The following PI4KA variants were observed in gnomAD, a reference collection of about 807,000 sequenced individuals.
The protein encoded by PI4KA is phosphatidylinositol 4-kinase alpha.
A neutral mutation model predicts 271.4 loss-of-function variants in PI4KA; 122 were observed. The observed-to-expected ratio is 0.45, with a 90% CI of 0.39 to 0.52. The LOEUF (loss-of-function observed/expected upper bound fraction) is 0.52. Ranked by LOEUF, PI4KA falls within the 20% of genes least tolerant of loss-of-function variation. The pLI is 0.00. For missense variants in PI4KA, 1,969 were observed against 2,769.1 expected, an observed-to-expected ratio of 0.71 and a Z score of 6.48; for synonymous variants, 1,041 against 1,078.8, an observed-to-expected ratio of 0.96 and a Z score of 0.69.
intron 3 of PI4KA, among the ~76,000 whole-genome samples, chr22:20,830,887 T>G (rs1924068365): frequency 6.6e-6 from 1 of 152,198 alleles, no homozygotes; most frequent in Non-Finnish European, 1.5e-5. Context: ...TTCTCCTGCC[T>G]CAGCCTCCTG....
chr22:20,714,909 G>A (rs1163988805), intron 45 of PI4KA, among the ~76,000 whole-genome samples: 1 of 152,160 alleles, frequency 6.6e-6, no homozygotes, highest in Non-Finnish European at 1.5e-5. Flanking sequence ...GACTCTTCCA[G>A]CCATCAACCA....
chr22:20,714,631 T>C lies in PI4KA; in HGVS notation c.5387A>G (p.Gln1796Arg), dbSNP rs1257717158. The change falls in exon 46 of 55, where the codon CAG (glutamine) becomes CGG (arginine). Residue 1796 changes from glutamine (Q) to arginine (R), a missense_variant. Transcript: ENST00000255882. ...DIDYKSGTPM[Q>R]SAAKAPYLAK... Reference sequence around the variant, plus strand: ...ATGGGTAGGGTGAGGCGCCCACCTCTGCATCGGGGTCCCAGACTTGTAGTC... The same window carrying C: ...ATGGGTAGGGTGAGGCGCCCACCTCCGCATCGGGGTCCCAGACTTGTAGTC... The C allele has an allele frequency of 1.2e-6, 2 of 1,613,998 alleles. No individual in the cohort carries two copies. The highest frequency in any genetic ancestry group is 1.7e-6 in the Non-Finnish European group (2 of 1,179,860).
At chr22:20,753,450 C>T (rs990993355) in intron 23 of PI4KA, among the ~76,000 whole-genome samples, 4 of 152,224 alleles carry the variant, frequency 2.6e-5, no homozygotes, top group Non-Finnish European at 5.9e-5. Context: ...ACATGCCCCG[C>T]TTCTGTTCCA....
Position 20,799,092 on chromosome 22 carries a change from C to T in PI4KA, c.2004+1G>A. On this transcript the variant is annotated splice_donor_variant, in intron 16 of 54. Coordinates refer to ENST00000255882, the MANE Select transcript of PI4KA (RefSeq NM_058004.4). LOFTEE classifies it high-confidence loss of function. ...GGTGTTCTGGCTCTGGCCTCCCTTA[C>T]ATTTCCGGTGATAACCAGGCAGCCC... is the stretch of plus-strand genomic sequence containing the variant. The T allele has an allele frequency of 6.2e-7, 1 of 1,612,952 alleles. No individual in the cohort carries two copies.
Position 20,819,671 on chromosome 22 carries a change from C to T in PI4KA, c.759G>A (p.Arg253=). 2 of 1,614,088 alleles carry T rather than the reference C, an allele frequency of 1.2e-6. No individual in the cohort carries two copies. Among genetic ancestry groups the T allele is most frequent in the Admixed American group, 3.3e-5 (2 of 60,020 alleles). The part of the protein sequence containing the change: ...LTVCQEGTLK[R]KTSSVSSISQ... ...AGATGCTGGACACACTGCTGGTTTT[C>T]CTCTTCAGGGTACCCTCCTGACAGA... is the stretch of plus-strand genomic sequence containing the variant. Residue 253 remains arginine (R), a synonymous_variant, in exon 6 of 55, where the codon AGG becomes AGA. Coordinates refer to ENST00000255882, the MANE Select transcript of PI4KA (RefSeq NM_058004.4).
At chr22:20,834,715 T>C in intron 2 of PI4KA, 60 bp from the exon 3 acceptor site, 1 of 1,093,152 alleles carries the variant, frequency 9.1e-7, no homozygotes, top group Non-Finnish European at 1.4e-6. Flanking sequence ...TTGGCAGCTT[T>C]TTAGCCCAGA....
At chr22:20,753,371 T>C (rs1017320033) in intron 23 of PI4KA, among the ~76,000 whole-genome samples, 191 bp from the exon 24 acceptor site, 9 of 152,228 alleles carry the variant, frequency 5.9e-5, no homozygotes, top group Non-Finnish European at 1.2e-4. Flanking sequence ...GTGTCAAAAC[T>C]GAGTCAGATA....
intron 1 of PI4KA, among the ~76,000 whole-genome samples, chr22:20,851,373 G>A (rs961870977): frequency 4.6e-5 from 7 of 152,012 alleles, no homozygotes; most frequent in African/African-American, 1.5e-4. Flanking sequence ...ACGGAGTCTT[G>A]CTCTGTCGCC....
At chr22:20,720,946 G>A (rs1473791554) in intron 43 of PI4KA, among the ~76,000 whole-genome samples, 1 of 152,238 alleles carries the variant, frequency 6.6e-6, no homozygotes. Context: ...CAGGGGTCCT[G>A]AGGCTGTGCT....
intron 19 of PI4KA, among the ~76,000 whole-genome samples, chr22:20,790,633 T>C (rs975792809): frequency 7.3e-5 from 11 of 150,618 alleles, no homozygotes; most frequent in African/African-American, 2.7e-4. Flanking sequence ...TGCACTCCAG[T>C]CTGGGTGACA....
At chr22:20,816,845 T>A (rs1921872304) in intron 7 of PI4KA, among the ~76,000 whole-genome samples, 1 of 152,160 alleles carries the variant, frequency 6.6e-6, no homozygotes. Flanking sequence ...CATCTGCCAC[T>A]TACTGGATGT....
intron 1 of PI4KA, among the ~76,000 whole-genome samples, chr22:20,838,966 C>T (rs768920450): frequency 1.6e-4 from 25 of 152,114 alleles, no homozygotes; most frequent in Non-Finnish European, 2.6e-4. Context: ...CCTGTAATCC[C>T]AACCCTTTGG....
chr22:20,819,832 T>A lies in PI4KA; in HGVS notation c.598A>T (p.Met200Leu), dbSNP rs142981958. ...ISRAFGRYSN[M>L]EESLLSKLFP... ...AGCTTTGAGAGGAGAGACTCTTCCATGTTGCTGTAACGCCCAAATGCTCGC... is the reference window on the plus strand; with the variant it reads ...AGCTTTGAGAGGAGAGACTCTTCCAAGTTGCTGTAACGCCCAAATGCTCGC... The change falls in exon 6 of 55, where the codon ATG becomes TTG. Residue 200 changes from methionine to leucine, a missense_variant. Physicochemically the swap from Met to Leu is conservative, Grantham distance 15 (BLOSUM62 2). Transcript: ENST00000255882. 1.2e-6 allele frequency: 2 copies of A among 1,613,990 alleles called. No homozygotes were observed. The highest frequency in any genetic ancestry group is 1.1e-5 in the South Asian group (1 of 91,074).
At chr22:20,710,130 G>C (rs1232148507) in intron 52 of PI4KA, 133 bp from the exon 53 acceptor site, 24 of 682,178 alleles carry the variant, frequency 3.5e-5, no homozygotes, top group Admixed American at 1.5e-4. Context: ...GCCACATCTT[G>C]CACATCCCCG....
intron 32 of PI4KA, among the ~76,000 whole-genome samples, chr22:20,735,967 C>T (rs1293044253): frequency 2.0e-5 from 3 of 152,184 alleles, no homozygotes; most frequent in Non-Finnish European, 2.9e-5. Context: ...TGCCTCTGTG[C>T]CAGGGCCTCG....
At chr22:20,830,311 T>C (rs1050580063) in intron 3 of PI4KA, among the ~76,000 whole-genome samples, 9 of 151,706 alleles carry the variant, frequency 5.9e-5, no homozygotes, top group African/African-American at 1.9e-4. Flanking sequence ...ATGAATGTGG[T>C]TGCTTCCGTG....
At chr22:20,803,826 T>C (rs1935487010) in intron 12 of PI4KA, among the ~76,000 whole-genome samples, 2 of 152,330 alleles carry the variant, frequency 1.3e-5, no homozygotes, top group South Asian at 2.1e-4. Flanking sequence ...CCAGGGGATA[T>C]AGATTGTTAA....
rs144524371 is a variant in PI4KA at position 20,787,273 on chromosome 22, T to C, written c.2328+5920A>G. The stretch of plus-strand genomic sequence containing the variant: ...CACAATAGCCCATGCTGTAAGCTCA[T>C]AGAAGTCACTGTAACTGTAGTGTGT... On this transcript the variant is annotated intron_variant, in intron 19 of 54. Coordinates refer to ENST00000255882, the MANE Select transcript of PI4KA (RefSeq NM_058004.4). The C allele has an allele frequency of 9.2e-3, 5,525 of 601,660 alleles. 57 individuals carry two copies. Among genetic ancestry groups the C allele is most frequent in the Admixed American group, 0.022 (827 of 37,188 alleles). The allele number at this position is 601,660 out of a possible 1,614,324, so 37.3% of individuals were successfully genotyped here. A position where few individuals can be genotyped will look rare whatever the true frequency, so the allele number is the denominator to read the frequency against.
intron 18 of PI4KA, 152 bp from the exon 19 acceptor site, chr22:20,793,395 T>C (rs930778203): frequency 1.9e-6 from 1 of 520,230 alleles, no homozygotes; most frequent in Non-Finnish European, 3.4e-6. Context: ...AGAGAGATGC[T>C]CATCCAGCAT....
Sources: gnomAD v4.1 joint callset for allele counts (sites outside exome capture counted in the v4.1 genomes callset) on GRCh38, gnomAD v4.1.1 for gene constraint, MANE v1.5 for transcripts, NCBI Gene and HGNC (gene_info 2026-07-23, HGNC 2026-07-21) for gene names.